The following G3BP1 variants were observed in gnomAD, a reference collection of about 807,000 sequenced individuals.
The protein encoded by G3BP1 is ras GTPase-activating protein-binding protein 1.
Under a neutral mutation model 58.6 loss-of-function variants are expected in G3BP1, and 35 were observed. The ratio of observed to expected loss-of-function variants is 0.60; its 90% confidence interval spans 0.46 to 0.79. The LOEUF (loss-of-function observed/expected upper bound fraction) is 0.79, where lower values mean the gene tolerates loss of function less well. G3BP1 is among the 30% of genes least tolerant of loss of function. G3BP1 has a pLI of 0.00. For synonymous variants in G3BP1, 191 were observed against 195.4 expected, an observed-to-expected ratio of 0.98 and a Z score of 0.19; for missense variants, 523 against 580.8, an observed-to-expected ratio of 0.90 and a Z score of 1.02.
intron 1 of G3BP1, 26 bp from the exon 2 acceptor site, chr5:151,786,546 C>G (rs557634818): frequency 7.6e-5 from 71 of 930,612 alleles, no homozygotes; most frequent in South Asian, 2.1e-4. Flanking sequence ...ATGATTCGGT[C>G]TTTTCCCCTG....
intron 4 of G3BP1, chr5:151,791,785 T>G: frequency 5.0e-6 from 1 of 200,816 alleles, no homozygotes; most frequent in Non-Finnish European, 1.0e-5. Flanking sequence ...GCCTCCCGAG[T>G]AGCTGGGACT....
intron 1 of G3BP1, among the ~76,000 whole-genome samples, chr5:151,778,676 G>A (rs975836721): frequency 1.3e-5 from 2 of 151,854 alleles, no homozygotes; most frequent in African/African-American, 4.8e-5. Flanking sequence ...TACTGACTTC[G>A]GGTGATATGC....
rs988942004 is a variant in G3BP1, at chr5:151,799,414, T to C, written c.843+101T>C. On this transcript the variant is annotated intron_variant, in intron 8 of 11. Transcript: ENST00000356245. ...GAATGTGAAAACTGGTCAGGTGCAG[T>C]GTGGCTCATGCCTGTAATCCCAGCA... is the stretch of plus-strand genomic sequence containing the variant. 4.3e-6 allele frequency: 3 copies of C among 705,574 alleles called. No individual in the cohort carries two copies. In the African/African-American group the frequency reaches 5.3e-5, roughly 12 times the overall value. 43.7% of individuals were successfully genotyped at this position (705,574 alleles called of 1,614,324 possible). A position where few individuals can be genotyped will look rare whatever the true frequency, so the allele number is the denominator to read the frequency against.
intron 6 of G3BP1, among the ~76,000 whole-genome samples, chr5:151,796,794 T>TA (rs1762759055): frequency 2.0e-5 from 3 of 152,312 alleles, no homozygotes; most frequent in Admixed American, 1.3e-4. Context: ...CTATGACAGA[T>TA]ATCTAGGACT....
At chr5:151,781,086 TAATA>T (rs1467866819) in intron 1 of G3BP1, among the ~76,000 whole-genome samples, 3 of 151,942 alleles carry the variant, frequency 2.0e-5, no homozygotes, top group Non-Finnish European at 4.4e-5. Context: ...AGCCTAGAAA[TAATA>T]AAAAAAATTA....
In G3BP1 at chr5:151,789,928, A is replaced by C. The variant is rs111755813; in HGVS notation, c.96-395A>C. Among the ~76,000 whole-genome samples, 669 of 152,222 alleles carry C rather than the reference A, an allele frequency of 4.4e-3. 4 individuals carry two copies. Among genetic ancestry groups the C allele is most frequent in the African/African-American group, 0.016 (646 of 41,540 alleles). On this transcript the variant is annotated intron_variant, in intron 2 of 11. Transcript: ENST00000356245. Reference sequence around the variant, plus strand: ...GGTGACTCACACCTACAATTCCAGCACTTTGGGAGGCCAAGGCAGGTAGAA... The same window carrying C: ...GGTGACTCACACCTACAATTCCAGCCCTTTGGGAGGCCAAGGCAGGTAGAA...
rs1312110301 is a variant in G3BP1 at position 151,806,968 on chromosome 5, G to T, written c.*2877G>T. On this transcript the variant is annotated 3_prime_UTR_variant, in exon 12 of 12. Coordinates refer to ENST00000356245, the MANE Select transcript of G3BP1 (RefSeq NM_005754.3). ...AGATAAGATTTGTTTGGTTCAGTGG[G>T]TCTTAGTTTTTTAAGACCTGTTAAT... is the stretch of plus-strand genomic sequence containing the variant. 1.3e-5 allele frequency: 2 copies of T among 152,056 alleles called. No homozygotes were observed. Among genetic ancestry groups the T allele is most frequent in the Admixed American group, 6.6e-5 (1 of 15,256 alleles). 9.4% of individuals were successfully genotyped at this position (152,056 alleles called of 1,614,324 possible).
At chr5:151,775,963 A>G (rs1225004303) in intron 1 of G3BP1, among the ~76,000 whole-genome samples, 2 of 152,238 alleles carry the variant, frequency 1.3e-5, no homozygotes, top group Non-Finnish European at 2.9e-5. Flanking sequence ...ATGTAATCCA[A>G]GTACATTTAA....
At chr5:151,794,298 C>A in intron 5 of G3BP1, 49 bp downstream of exon 5, 1 of 979,896 alleles carries the variant, frequency 1.0e-6, no homozygotes, top group Non-Finnish European at 1.7e-6. Flanking sequence ...TTTTTAATGG[C>A]ATCCGATTGC....
intron 2 of G3BP1, among the ~76,000 whole-genome samples, chr5:151,788,425 G>T (rs1242515121): frequency 6.6e-6 from 1 of 150,822 alleles, no homozygotes; most frequent in Non-Finnish European, 1.5e-5. Context: ...TTTTGAGACA[G>T]TCTTACTCTG....
intron 6 of G3BP1, among the ~76,000 whole-genome samples, 175 bp downstream of exon 6, chr5:151,795,750 T>C (rs1180907385): frequency 6.6e-6 from 1 of 152,250 alleles, no homozygotes; most frequent in Non-Finnish European, 1.5e-5. Context: ...ACTTGTTTGT[T>C]AATAGTAAAT....
rs1240523556 is a variant in G3BP1, at chr5:151,788,570, ATATGTGTGTGTGTG to A, written c.96-1751_96-1738del. 5.9e-4 allele frequency among the ~76,000 whole-genome samples: 55 copies of A among 93,188 alleles called. 1 individual carries two copies. Among genetic ancestry groups the A allele is most frequent in the African/African-American group, 2.2e-3 (51 of 23,256 alleles). 61.1% of individuals were successfully genotyped at this position (93,188 alleles called of 152,430 possible). On this transcript the variant is annotated intron_variant, in intron 2 of 11. Coordinates refer to ENST00000356245, the MANE Select transcript of G3BP1 (RefSeq NM_005754.3). ...TGCACTACCATGCCCAGCTAAGTTT[ATATGTGTGTGTGTG>A]TGTGTGTGTGTGTGTGTGTGTGTGT...
In G3BP1 at chr5:151,807,113, G is replaced by C. The variant is rs1330109112; in HGVS notation, c.*3022G>C. The C allele has an allele frequency of 6.6e-6, 1 of 152,186 alleles. No homozygotes were observed. Among genetic ancestry groups the C allele is most frequent in the African/African-American group, 2.4e-5 (1 of 41,432 alleles). 9.4% of individuals were successfully genotyped at this position (152,186 alleles called of 1,614,324 possible). Reference sequence around the variant, plus strand: ...GATATTGCTAGGGACCAGTGAGATAGATAATCCAAAAATAATAATTTGACT... The same window carrying C: ...GATATTGCTAGGGACCAGTGAGATACATAATCCAAAAATAATAATTTGACT... On this transcript the variant is annotated 3_prime_UTR_variant, in exon 12 of 12. Transcript: ENST00000356245.
chr5:151,796,171 A>G (rs894450076), intron 6 of G3BP1, among the ~76,000 whole-genome samples: 3 of 152,216 alleles, frequency 2.0e-5, no homozygotes, highest in East Asian at 1.9e-4. Context: ...TGAACTAATC[A>G]GGTTACTCAC....
chr5:151,797,454 T>G (rs768409286), intron 7 of G3BP1, 26 bp downstream of exon 7: 1 of 1,580,220 alleles, frequency 6.3e-7, no homozygotes, highest in Non-Finnish European at 8.6e-7. Flanking sequence ...TCATTTTTAT[T>G]CTATTCCTAG....
At chr5:151,800,177 C>G in intron 9 of G3BP1, 41 bp from the exon 10 acceptor site, 2 of 1,601,826 alleles carry the variant, frequency 1.2e-6, no homozygotes, top group Non-Finnish European at 8.5e-7. Flanking sequence ...AAGATGTCTT[C>G]TTTCTCTTGT....
rs551511734 is a variant in G3BP1 at position 151,799,650 on chromosome 5, A to C, written c.844-239A>C. ...CAGTGAGTCATGATTGTGCCACTGC[A>C]CTGCATCATGGGCGACATACTGAGA... is the stretch of plus-strand genomic sequence containing the variant. On this transcript the variant is annotated intron_variant, in intron 8 of 11. Transcript: ENST00000356245. Among the ~76,000 whole-genome samples, 24 of 152,122 alleles carry C rather than the reference A, an allele frequency of 1.6e-4. No homozygotes were observed. The East Asian group carries it at 3.9e-3, about 24-fold the overall frequency.
chr5:151,802,808 C>CT (rs1736733144), intron 11 of G3BP1, among the ~76,000 whole-genome samples: 2 of 152,168 alleles, frequency 1.3e-5, no homozygotes, highest in African/African-American at 4.8e-5. Context: ...TGGCGGACGC[C>CT]TGTAGTCCCA....
chr5:151,794,488 T>C (rs1348483925), intron 5 of G3BP1, among the ~76,000 whole-genome samples: 1 of 152,204 alleles, frequency 6.6e-6, no homozygotes, highest in Non-Finnish European at 1.5e-5. Flanking sequence ...ACAGGCTAAC[T>C]CACAGCGACA....
Sources: gnomAD v4.1 joint callset for allele counts (sites outside exome capture counted in the v4.1 genomes callset) on GRCh38, gnomAD v4.1.1 for gene constraint, MANE v1.5 for transcripts, NCBI Gene and HGNC (gene_info 2026-07-23, HGNC 2026-07-21) for gene names.